Variants in SETD2 observed in about 807,000 individuals in gnomAD.
SETD2 encodes SET domain containing 2, histone lysine methyltransferase, also known as histone-lysine N-methyltransferase SETD2.
In SETD2, 31 loss-of-function variants were observed where a neutral mutation model predicts 242.1. The ratio of observed to expected loss-of-function variants is 0.13; its 90% confidence interval spans 0.10 to 0.17. The LOEUF (loss-of-function observed/expected upper bound fraction) is 0.17, where lower values mean the gene tolerates loss of function less well. Ranked by LOEUF, SETD2 falls within the 10% of genes least tolerant of loss-of-function variation. The pLI is 1.00. For synonymous variants in SETD2, 1,006 were observed against 1,066.5 expected, an observed-to-expected ratio of 0.94 and a Z score of 1.11; for missense variants, 2,481 against 3,046.3, an observed-to-expected ratio of 0.81 and a Z score of 4.37.
intron 8 of SETD2, among the ~76,000 whole-genome samples, chr3:47,100,229 C>T (rs184624079): frequency 6.6e-5 from 10 of 151,558 alleles, no homozygotes; most frequent in Admixed American, 3.9e-4. Context: ...CATGAGCCAC[C>T]GCACCCAGCC....
At chr3:47,113,689 A>T (rs1559733726) in intron 5 of SETD2, among the ~76,000 whole-genome samples, 187 bp downstream of exon 5, 1 of 152,254 alleles carries the variant, frequency 6.6e-6, no homozygotes, top group East Asian at 1.9e-4. Flanking sequence ...TACAAAAAAA[A>T]TTAGCTGGGC....
intron 2 of SETD2, among the ~76,000 whole-genome samples, chr3:47,126,314 C>G (rs1465708919): frequency 6.6e-6 from 1 of 152,186 alleles, no homozygotes; most frequent in Non-Finnish European, 1.5e-5. Context: ...GAGCCAAATA[C>G]TTTTAAGAAA....
At chr3:47,049,497 CGAGT>C (rs1447350264) in intron 15 of SETD2, among the ~76,000 whole-genome samples, 2 of 146,686 alleles carry the variant, frequency 1.4e-5, no homozygotes, top group African/African-American at 4.9e-5. Flanking sequence ...CTCAGCCTCC[CGAGT>C]AGCTGGGACT....
rs556641040 is a variant in SETD2 at position 47,057,283 on chromosome 3, G to A, written c.6501C>T (p.Tyr2167=). Residue 2167 remains tyrosine (Y), a synonymous_variant, in exon 15 of 21, where the codon TAC becomes TAT. Transcript: ENST00000409792. ...YNAPHHPFAG[Y]PPGYPMQAYV... is the part of the protein sequence containing the mutation. ...AGGCCTGCATGGGATAACCTGGTGG[G>A]TAACCAGCAAAGGGATGATGCGGGG... 1 of 1,614,184 alleles carries A rather than the reference G, an allele frequency of 6.2e-7. No individual in the cohort carries two copies. Among genetic ancestry groups the A allele is most frequent in the African/African-American group, 1.3e-5 (1 of 75,030 alleles).
chr3:47,036,514 C>CA (rs1042302781), intron 18 of SETD2, among the ~76,000 whole-genome samples: 10 of 150,882 alleles, frequency 6.6e-5, no homozygotes, highest in Admixed American at 2.6e-4. Context: ...AAGATCACAC[C>CA]AAAAAAAACA....
chr3:47,053,123 G>A (rs111419403), intron 15 of SETD2, among the ~76,000 whole-genome samples: 157 of 152,062 alleles, frequency 1.0e-3, no homozygotes, highest in African/African-American at 3.4e-3. Context: ...CCTGACTTCA[G>A]GTGATCTGCC....
chr3:47,078,745 T>G lies in SETD2; in HGVS notation c.6060+4975A>C, dbSNP rs75283301. On this transcript the variant is annotated intron_variant, in intron 12 of 20. Coordinates refer to ENST00000409792, the MANE Select transcript of SETD2 (RefSeq NM_014159.7). ...AGTTGTTGTTGTTTTGTTTTGTTTT[T>G]TTTTACACAAAGTCTCACTCTGTCA... Among the ~76,000 whole-genome samples the G allele has an allele frequency of 3.8e-4, 58 of 152,046 alleles. No individual in the cohort carries two copies. In the South Asian group the frequency reaches 7.3e-3, roughly 19 times the overall value.
intron 1 of SETD2, among the ~76,000 whole-genome samples, chr3:47,130,019 T>A (rs1188707523): frequency 6.6e-6 from 1 of 152,114 alleles, no homozygotes; most frequent in Non-Finnish European, 1.5e-5. Flanking sequence ...TAGACTGTAA[T>A]CCTCAATGTT....
intron 15 of SETD2, among the ~76,000 whole-genome samples, chr3:47,054,045 C>G (rs2039956952): frequency 6.6e-6 from 1 of 152,146 alleles, no homozygotes; most frequent in Non-Finnish European, 1.5e-5. Context: ...AAAACACATA[C>G]TAACAATATA....
In SETD2 at chr3:47,107,240, C is replaced by A. The variant is rs574104116; in HGVS notation, c.4716-1120G>T. ...TTCTTATCCCCTCAAAATAAACATA[C>A]CCTAATTCTAATGAAAGAAATTTTT... On this transcript the variant is annotated intron_variant, in intron 5 of 20. Transcript: ENST00000409792. Among the ~76,000 whole-genome samples the A allele has an allele frequency of 5.9e-5, 9 of 152,174 alleles. No individual in the cohort carries two copies. The East Asian group carries it at 1.7e-3, about 29-fold the overall frequency.
chr3:47,037,695 T>C lies in SETD2; in HGVS notation c.7321A>G (p.Thr2441Ala). Residue 2441 changes from threonine (T) to alanine (A), a missense_variant, in exon 18 of 21, where the codon ACT (threonine) becomes GCT (alanine). Physicochemically the swap from Thr to Ala is moderately conservative, Grantham distance 58 (BLOSUM62 0). Transcript: ENST00000409792. Reference sequence around the variant, plus strand: ...ATGGGGTTTTCATCATATGTTGGAGTTCCCAGGTCCATCTCAGCTTCATGC... The same window carrying C: ...ATGGGGTTTTCATCATATGTTGGAGCTCCCAGGTCCATCTCAGCTTCATGC... ...LEHEAEMDLG[T>A]PTYDENPMKA... 1 of 1,613,460 alleles carries C rather than the reference T, an allele frequency of 6.2e-7. No homozygotes were observed. The highest frequency in any genetic ancestry group is 8.5e-7 in the Non-Finnish European group (1 of 1,179,674).
chr3:47,127,969 T>C (rs2043382813), intron 1 of SETD2, among the ~76,000 whole-genome samples: 1 of 150,090 alleles, frequency 6.7e-6, no homozygotes, highest in African/African-American at 2.5e-5. Context: ...TCTGAGCAAC[T>C]GAGTGAAAAC....
In SETD2 at chr3:47,017,109, T is replaced by A. The variant is rs374840624; in HGVS notation, c.7679A>T (p.Asp2560Val). The part of the protein sequence containing the change: ...KFGAVYKPKE[D>V]TELE ...GCCCAACAGTCACTCTAATTCAGTG[T>A]CCTCTTTGGGTTTGTAAACAGCCCC... The change falls in exon 21 of 21, where the codon GAC becomes GTC. Residue 2560 changes from aspartate to valine, a missense_variant. This residue lies in a region of SETD2 where 29 missense variants were observed against 46.7 expected (regional missense o/e 0.62). Coordinates refer to ENST00000409792, the MANE Select transcript of SETD2 (RefSeq NM_014159.7). This position sits in a 1 kb window ranked among gnomAD's most constrained non-coding sequence, Gnocchi z 4.8. 2.5e-6 allele frequency: 4 copies of A among 1,614,026 alleles called. No homozygotes were observed. In the African/African-American group the frequency reaches 5.3e-5, roughly 22 times the overall value.
Position 47,164,078 on chromosome 3 carries a change from T to C in SETD2, c.-154A>G, listed in dbSNP as rs1044713631. On this transcript the variant is annotated 5_prime_UTR_variant, in exon 1 of 21. Transcript: ENST00000409792. This position sits in a 1 kb window ranked among gnomAD's most constrained non-coding sequence, Gnocchi z 5.4. ...CCCGCGTCGCTACCTCGCTCGTCGC[T>C]CCCTCCCTCCCTCGGACGCCCGCCA... 5.2e-6 allele frequency: 6 copies of C among 1,155,182 alleles called. No homozygotes were observed. The highest frequency in any genetic ancestry group is 6.5e-6 in the Non-Finnish European group (6 of 926,382). 71.6% of individuals were successfully genotyped at this position (1,155,182 alleles called of 1,614,324 possible).
intron 12 of SETD2, chr3:47,080,922 T>G: frequency 1.0e-6 from 1 of 987,012 alleles, no homozygotes; most frequent in Non-Finnish European, 1.2e-6. Context: ...TCACCTATTA[T>G]ATTTTTCATG....
chr3:47,096,130 T>C (rs1239257479), intron 9 of SETD2, among the ~76,000 whole-genome samples: 1 of 152,178 alleles, frequency 6.6e-6, no homozygotes, highest in East Asian at 1.9e-4. Context: ...ACATCTATTG[T>C]TATGGCCATA....
At chr3:47,154,764 C>T (rs564841655) in intron 1 of SETD2, among the ~76,000 whole-genome samples, 3 of 152,120 alleles carry the variant, frequency 2.0e-5, no homozygotes, top group East Asian at 1.9e-4. Context: ...GAGGCTGAGA[C>T]GGACGGATCA....
intron 1 of SETD2, among the ~76,000 whole-genome samples, chr3:47,128,319 A>G (rs779289602): frequency 2.6e-5 from 4 of 152,214 alleles, no homozygotes; most frequent in Admixed American, 6.5e-5. Context: ...ATCAAAAGCC[A>G]CAAGTCTAGT....
At position 47,116,602 on chromosome 3, in the gene SETD2, C is replaced by T. The variant is rs928143151; in HGVS notation, c.4586+21G>A. On this transcript the variant is annotated intron_variant, in intron 4 of 20. Coordinates refer to ENST00000409792, the MANE Select transcript of SETD2 (RefSeq NM_014159.7). The stretch of plus-strand genomic sequence containing the variant: ...TTTAATAGAAGTGTTGAGCAAAAGC[C>T]GAGTATTCTAATTTACTTACCATTC... 3.6e-5 allele frequency: 57 copies of T among 1,595,160 alleles called. No homozygotes were observed. The Middle Eastern group carries it at 5.0e-4, about 14-fold the overall frequency.
Sources: gnomAD v4.1 joint callset for allele counts (sites outside exome capture counted in the v4.1 genomes callset) on GRCh38, gnomAD v4.1.1 for gene constraint, gnomAD v4.1.1 regional missense constraint, Gnocchi (gnomAD v3.1) non-coding constraint, MANE v1.5 for transcripts, NCBI Gene and HGNC (gene_info 2026-07-23, HGNC 2026-07-21) for gene names.